The following TUBB1 variants were observed in gnomAD, a reference collection of about 807,000 sequenced individuals.
The protein encoded by TUBB1 is tubulin beta 1 class VI, also known as tubulin beta-1 chain.
In TUBB1, 28 loss-of-function variants were observed where a neutral mutation model predicts 22.6. The observed-to-expected ratio is 1.24, with a 90% CI of 0.92 to 1.70. TUBB1 has a LOEUF of 1.70. TUBB1 is among the 40% of genes most tolerant of loss of function. TUBB1 has a pLI of 0.00. For missense variants in TUBB1, 577 were observed against 605.5 expected, an observed-to-expected ratio of 0.95 and a Z score of 0.49; for synonymous variants, 226 against 238.0, an observed-to-expected ratio of 0.95 and a Z score of 0.46.
rs2091989388 is a variant in TUBB1, at chr20:59,025,411, G to C, written c.*628G>C. On this transcript the variant is annotated 3_prime_UTR_variant, in exon 4 of 4. Transcript: ENST00000217133. ...AAAAGAGGAAAAAAGAAAAGCCACA[G>C]TCCTCTCCACAAAAATACCTGGTCC... 1 of 153,642 alleles carries C rather than the reference G, an allele frequency of 6.5e-6. No individual in the cohort carries two copies. 9.5% of individuals were successfully genotyped at this position (153,642 alleles called of 1,614,324 possible). A position where few individuals can be genotyped will look rare whatever the true frequency, so the allele number is the denominator to read the frequency against.
At position 59,024,168 on chromosome 20, in the gene TUBB1, C is replaced by T. The variant is rs780640371; in HGVS notation, c.741C>T (p.Asn247=). ...CCCTCCGGTTCCCGGGTCAGCTCAA[C>T]GCAGACCTGCGCAAGCTGGCGGTGA... ...TTSLRFPGQL[N]ADLRKLAVNM... Residue 247 remains asparagine (N), a synonymous_variant, in exon 4 of 4, where the codon AAC becomes AAT. Coordinates refer to ENST00000217133, the MANE Select transcript of TUBB1 (RefSeq NM_030773.4). This position sits in a 1 kb window ranked among gnomAD's most constrained non-coding sequence, Gnocchi z 4.9. The T allele has an allele frequency of 2.4e-5, 39 of 1,614,112 alleles. No homozygotes were observed. Among genetic ancestry groups the T allele is most frequent in the Admixed American group, 1.0e-4 (6 of 60,010 alleles).
upstream of TUBB1, among the ~76,000 whole-genome samples, chr20:59,019,034 C>T (rs777357802): frequency 1.8e-4 from 27 of 152,230 alleles, no homozygotes; most frequent in African/African-American, 5.3e-4. Flanking sequence ...TGGCGGGGCA[C>T]GGGGCTTCTG....
chr20:59,024,383 G>A lies in TUBB1; in HGVS notation c.956G>A (p.Gly319Asp), dbSNP rs2146377588. The change falls in exon 4 of 4, where the codon GGC becomes GAC. Residue 319 changes from glycine (G) to aspartate (D), a missense_variant. By Grantham distance (94) the Gly-to-Asp change is moderately conservative. Coordinates refer to ENST00000217133, the MANE Select transcript of TUBB1 (RefSeq NM_030773.4). This position sits in a 1 kb window ranked among gnomAD's most constrained non-coding sequence, Gnocchi z 4.9. Reference protein sequence around the residue: ...RYLTVACIFRGKMSTKEVDQQ... With the variant: ...RYLTVACIFRDKMSTKEVDQQ... ...CTCACAGTGGCCTGCATTTTCCGGG[G>A]CAAGATGTCCACCAAGGAAGTGGAC... The A allele has an allele frequency of 6.2e-7, 1 of 1,614,158 alleles. No homozygotes were observed. Among genetic ancestry groups the A allele is most frequent in the East Asian group, 2.2e-5 (1 of 44,876 alleles).
In TUBB1 at chr20:59,023,001, C is replaced by G. The variant is rs367674381; in HGVS notation, c.166+48C>G. 669 of 1,513,118 alleles carry G rather than the reference C, an allele frequency of 4.4e-4. 4 individuals are homozygous for G. The African/African-American group carries it at 8.2e-3, about 19-fold the overall frequency. 93.7% of individuals were successfully genotyped at this position (1,513,118 alleles called of 1,614,324 possible). A position where few individuals can be genotyped will look rare whatever the true frequency, so the allele number is the denominator to read the frequency against. On this transcript the variant is annotated intron_variant, in intron 2 of 3. Transcript: ENST00000217133. ...AGCAGTGGTCCCGCAACTGGGAACACAAGCAGAGGAAGGGCAGAGGCCCAG... is the reference window on the plus strand; with the variant it reads ...AGCAGTGGTCCCGCAACTGGGAACAGAAGCAGAGGAAGGGCAGAGGCCCAG...
chr20:59,020,358 AT>A (rs769833926), intron 1 of TUBB1, among the ~76,000 whole-genome samples: 1 of 152,064 alleles, frequency 6.6e-6, no homozygotes, highest in Non-Finnish European at 1.5e-5. Flanking sequence ...CTAATTTTGT[AT>A]TTTTAGTAGA....
At position 59,025,071 on chromosome 20, in the gene TUBB1, T is replaced by G; in HGVS notation, c.*288T>G. ...AAGTGCTCCCTTTGTTTCAAAGTGTTTGCCAGGCATCCAGACTACACGTGT... is the reference window on the plus strand; with the variant it reads ...AAGTGCTCCCTTTGTTTCAAAGTGTGTGCCAGGCATCCAGACTACACGTGT... On this transcript the variant is annotated 3_prime_UTR_variant, in exon 4 of 4. Coordinates refer to ENST00000217133, the MANE Select transcript of TUBB1 (RefSeq NM_030773.4). The G allele has an allele frequency of 2.3e-6, 1 of 441,482 alleles. No individual in the cohort carries two copies. Among genetic ancestry groups the G allele is most frequent in the Non-Finnish European group, 4.2e-6 (1 of 237,408 alleles). The allele number at this position is 441,482 out of a possible 1,614,324, so 27.3% of individuals were successfully genotyped here. A position where few individuals can be genotyped will look rare whatever the true frequency, so the allele number is the denominator to read the frequency against.
chr20:59,024,693 C>A lies in TUBB1; in HGVS notation c.1266C>A (p.Tyr422Ter). The change falls in exon 4 of 4, where the codon TAC becomes TAA. Residue 422 changes from tyrosine (Y) to a stop codon, truncating the protein, a stop_gained. Transcript: ENST00000217133. LOFTEE classifies it low-confidence loss of function (END_TRUNC). This position sits in a 1 kb window ranked among gnomAD's most constrained non-coding sequence, Gnocchi z 4.9. Reference protein sequence around the residue: ...ENNIHDLVSEYQQFQDAKAVL... With the variant: ...ENNIHDLVSE ...ACATCCATGATTTGGTATCCGAGTACCAACAATTTCAAGATGCCAAAGCAG... is the reference window on the plus strand; with the variant it reads ...ACATCCATGATTTGGTATCCGAGTAACAACAATTTCAAGATGCCAAAGCAG... 6.2e-7 allele frequency: 1 copy of A among 1,613,996 alleles called. No individual in the cohort carries two copies. Among genetic ancestry groups the A allele is most frequent in the Non-Finnish European group, 8.5e-7 (1 of 1,180,008 alleles).
chr20:59,018,462 C>T (rs1364664965), upstream of TUBB1, among the ~76,000 whole-genome samples: 1 of 151,218 alleles, frequency 6.6e-6, no homozygotes, highest in East Asian at 1.9e-4. Context: ...GGCTGGAGTG[C>T]AGTGGCATGA....
At chr20:59,017,460 T>C (rs1219556032), upstream of TUBB1, among the ~76,000 whole-genome samples, 2 of 152,208 alleles carry the variant, frequency 1.3e-5, no homozygotes, top group Non-Finnish European at 2.9e-5. Flanking sequence ...CTCAGGCCCT[T>C]TGGCTGTGTG....
intron 1 of TUBB1, among the ~76,000 whole-genome samples, chr20:59,021,937 G>A (rs552522248): frequency 8.5e-5 from 13 of 152,222 alleles, no homozygotes; most frequent in African/African-American, 3.1e-4. Context: ...GGAAGTTGCA[G>A]TGAGCCAAGA....
rs377606463 is a variant in TUBB1, at chr20:59,024,815, A to G, written c.*32A>G. 13 of 1,603,648 alleles carry G rather than the reference A, an allele frequency of 8.1e-6. No homozygotes were observed. The African/African-American group carries it at 1.5e-4, about 18-fold the overall frequency. On this transcript the variant is annotated 3_prime_UTR_variant, in exon 4 of 4. Transcript: ENST00000217133. This position sits in a 1 kb window ranked among gnomAD's most constrained non-coding sequence, Gnocchi z 4.9. The stretch of plus-strand genomic sequence containing the variant: ...GAGAAGCTGTGCCGCGGAGTCGCTT[A>G]CAGAACAGTTTCTCATTAGATGAGT...
intron 1 of TUBB1, among the ~76,000 whole-genome samples, chr20:59,020,262 G>A (rs1403587640): frequency 6.6e-6 from 1 of 151,644 alleles, no homozygotes; most frequent in Non-Finnish European, 1.5e-5. Flanking sequence ...TTGGCTCACT[G>A]CAACCTCCAC....
rs566428911 is a variant in TUBB1 at position 59,024,959 on chromosome 20, T to C, written c.*176T>C. Reference sequence around the variant, plus strand: ...CAGGTGGGGAGCAGCTGACAGGCATTAGGGTCTTTGCTGACATCTACTAAC... The same window carrying C: ...CAGGTGGGGAGCAGCTGACAGGCATCAGGGTCTTTGCTGACATCTACTAAC... On this transcript the variant is annotated 3_prime_UTR_variant, in exon 4 of 4. Transcript: ENST00000217133. The surrounding 1 kb of genome is among the most constrained non-coding windows in gnomAD (Gnocchi z 4.9). The C allele has an allele frequency of 2.1e-5, 14 of 678,228 alleles. No individual in the cohort carries two copies. In the South Asian group the frequency reaches 2.1e-4, roughly 10 times the overall value. The allele number at this position is 678,228 out of a possible 1,614,324, so 42.0% of individuals were successfully genotyped here. A position where few individuals can be genotyped will look rare whatever the true frequency, so the allele number is the denominator to read the frequency against.
intron 1 of TUBB1, among the ~76,000 whole-genome samples, chr20:59,020,156 G>A (rs1246094668): frequency 6.6e-6 from 1 of 152,142 alleles, no homozygotes; most frequent in Admixed American, 6.5e-5. Context: ...TGAGATGACA[G>A]GTGTAGGCCA....
intron 1 of TUBB1, among the ~76,000 whole-genome samples, chr20:59,021,972 G>A (rs1323137491): frequency 1.3e-5 from 2 of 151,424 alleles, no homozygotes; most frequent in Non-Finnish European, 2.9e-5. Flanking sequence ...TCCAGCCTAG[G>A]TGACAAGAGT....
At chr20:59,023,018 G>C (rs2091975607) in intron 2 of TUBB1, 65 bp downstream of exon 2, 1 of 1,378,670 alleles carries the variant, frequency 7.3e-7, no homozygotes. Context: ...AGGAAGGGCA[G>C]AGGCCCAGGA....
upstream of TUBB1, chr20:59,019,243 T>C: frequency 1.9e-6 from 1 of 517,242 alleles, no homozygotes; most frequent in Non-Finnish European, 3.5e-6. Context: ...ACTCACTCTC[T>C]AGGAAATGAT....
chr20:59,020,689 A>G (rs1470640684), intron 1 of TUBB1, among the ~76,000 whole-genome samples: 5 of 152,206 alleles, frequency 3.3e-5, no homozygotes, highest in Non-Finnish European at 7.3e-5. Context: ...AATTGAAAAT[A>G]AAAGTTTTTT....
At chr20:59,016,868 G>T (rs1309635758), upstream of TUBB1, among the ~76,000 whole-genome samples, 1 of 152,054 alleles carries the variant, frequency 6.6e-6, no homozygotes, top group Non-Finnish European at 1.5e-5. Flanking sequence ...CTTTACCTTT[G>T]GGCAGGGAGG....
Sources: gnomAD v4.1 joint callset for allele counts (sites outside exome capture counted in the v4.1 genomes callset) on GRCh38, gnomAD v4.1.1 for gene constraint, Gnocchi (gnomAD v3.1) non-coding constraint, MANE v1.5 for transcripts, NCBI Gene and HGNC (gene_info 2026-07-23, HGNC 2026-07-21) for gene names.